Variants in PPARD observed in about 807,000 individuals in gnomAD.
PPARD encodes the protein peroxisome proliferator-activated receptor delta.
Under a neutral mutation model 39.5 loss-of-function variants are expected in PPARD, and 6 were observed. The ratio of observed to expected loss-of-function variants is 0.15; its 90% CI spans 0.08 to 0.30. PPARD has a LOEUF of 0.30. PPARD is among the 10% of genes least tolerant of loss of function. The pLI, the probability that PPARD is intolerant of heterozygous loss-of-function variation, is 1.00. For missense variants in PPARD, 397 were observed against 596.8 expected (o/e 0.67, Z 3.49); for synonymous variants, 210 against 231.3 (o/e 0.91, Z 0.83).
At chr6:35,353,106 C>T (rs1761360638) in intron 2 of PPARD, among the ~76,000 whole-genome samples, 1 of 152,170 alleles carries the variant, frequency 6.6e-6, no homozygotes, top group Non-Finnish European at 1.5e-5. Flanking sequence ...GATTTTCATT[C>T]CTGGAAGCTA....
intron 2 of PPARD, among the ~76,000 whole-genome samples, chr6:35,368,281 T>TG (rs1294927506): frequency 6.6e-6 from 1 of 152,240 alleles, no homozygotes; most frequent in Non-Finnish European, 1.5e-5. Context: ...ATGCATGGAA[T>TG]TTCCCTGTGG....
chr6:35,364,123 G>A (rs945520104), intron 2 of PPARD, among the ~76,000 whole-genome samples: 1 of 151,972 alleles, frequency 6.6e-6, no homozygotes, highest in Non-Finnish European at 1.5e-5. Context: ...TCCCTATCCT[G>A]GACATTTCAT....
At chr6:35,387,542 C>T (rs1763742623) in intron 2 of PPARD, among the ~76,000 whole-genome samples, 1 of 151,998 alleles carries the variant, frequency 6.6e-6, no homozygotes, top group Non-Finnish European at 1.5e-5. Flanking sequence ...GGGTATCGTT[C>T]CTTCCACGGT....
At chr6:35,380,015 C>T (rs1219181692) in intron 2 of PPARD, among the ~76,000 whole-genome samples, 2 of 152,174 alleles carry the variant, frequency 1.3e-5, no homozygotes, top group African/African-American at 4.8e-5. Context: ...TTCAATGAAT[C>T]TGATTTTCCA....
intron 2 of PPARD, among the ~76,000 whole-genome samples, chr6:35,367,642 A>G (rs1762275028): frequency 1.3e-5 from 2 of 152,256 alleles, no homozygotes; most frequent in African/African-American, 2.4e-5. Context: ...AATTGGGTCC[A>G]GATGCTTGGT....
chr6:35,347,199 G>A (rs1792237066), intron 2 of PPARD, 49 bp downstream of exon 2: 1 of 1,529,420 alleles, frequency 6.5e-7, no homozygotes, highest in Admixed American at 2.0e-5. Context: ...ACTGACACAG[G>A]ATCCAGATTT....
At chr6:35,402,188 A>T (rs1283669278) in intron 2 of PPARD, among the ~76,000 whole-genome samples, 3 of 152,216 alleles carry the variant, frequency 2.0e-5, no homozygotes, top group African/African-American at 7.2e-5. Flanking sequence ...ATAATTAAGA[A>T]AATCGAAATC....
chr6:35,395,860 A>G (rs1363801528), intron 2 of PPARD, among the ~76,000 whole-genome samples: 1 of 152,198 alleles, frequency 6.6e-6, no homozygotes, highest in Non-Finnish European at 1.5e-5. Flanking sequence ...TCTCATCTGT[A>G]AATGGGGATA....
rs1323837380 is a variant in PPARD, at chr6:35,373,276, A to T, written c.-102+26126A>T. Among the ~76,000 whole-genome samples, 10 of 152,348 alleles carry T rather than the reference A, an allele frequency of 6.6e-5. No homozygotes were observed. In the South Asian group the frequency reaches 2.1e-3, roughly 32 times the overall value. ...AACATTCAAACCATAGCAATGTCTT[A>T]TAGAGTAATCGGGATGATTAAATGA... On this transcript the variant is annotated intron_variant, in intron 2 of 7. Transcript: ENST00000360694.
intron 2 of PPARD, among the ~76,000 whole-genome samples, chr6:35,393,064 G>A (rs1282928327): frequency 1.3e-5 from 2 of 152,140 alleles, no homozygotes; most frequent in African/African-American, 4.8e-5. Flanking sequence ...ATCCTCATAG[G>A]CCTCCAGGAA....
At chr6:35,371,558 A>G (rs768562244) in intron 2 of PPARD, among the ~76,000 whole-genome samples, 3 of 151,628 alleles carry the variant, frequency 2.0e-5, no homozygotes, top group Non-Finnish European at 4.4e-5. Flanking sequence ...TCATTCTCTC[A>G]GTTTCCCGGA....
chr6:35,426,303 G>T lies in PPARD; in HGVS notation c.*224G>T. On this transcript the variant is annotated 3_prime_UTR_variant, in exon 8 of 8. Transcript: ENST00000360694. ...GTCTTTGTTGTCTCCCTCTTTCTCA[G>T]TTCCTCTTTCTTTTCTAATTCCTGT... 1 of 592,036 alleles carries T rather than the reference G, an allele frequency of 1.7e-6. No individual in the cohort carries two copies. The highest frequency in any genetic ancestry group is 2.9e-6 in the Non-Finnish European group (1 of 339,778). 36.7% of individuals were successfully genotyped at this position (592,036 alleles called of 1,614,324 possible).
chr6:35,418,589 G>A (rs767819897), intron 3 of PPARD, among the ~76,000 whole-genome samples: 5 of 152,196 alleles, frequency 3.3e-5, no homozygotes, highest in Non-Finnish European at 7.3e-5. Flanking sequence ...TATGTCAGGC[G>A]GTGACAAAGG....
At chr6:35,345,955 C>G (rs1033458212) in intron 1 of PPARD, among the ~76,000 whole-genome samples, 1 of 148,998 alleles carries the variant, frequency 6.7e-6, no homozygotes, top group Non-Finnish European at 1.5e-5. Flanking sequence ...TGGCTCACTG[C>G]AAGCTCCATC....
chr6:35,399,399 C>CAAAAAAA (rs10539871), intron 2 of PPARD, among the ~76,000 whole-genome samples: 1 of 95,482 alleles, frequency 1.0e-5, no homozygotes, highest in Non-Finnish European at 2.1e-5. Flanking sequence ...GACTCTGTCT[C>CAAAAAAA]AAAAAAAAAA....
rs185132407 is a variant in PPARD at position 35,394,642 on chromosome 6, G to A, written c.-101-16345G>A. Among the ~76,000 whole-genome samples, 696 of 151,920 alleles carry A rather than the reference G, an allele frequency of 4.6e-3. 5 individuals are homozygous for A. The highest frequency in any genetic ancestry group is 0.016 in the African/African-American group (660 of 41,394). On this transcript the variant is annotated intron_variant, in intron 2 of 7. Coordinates refer to ENST00000360694, the MANE Select transcript of PPARD (RefSeq NM_006238.5). ...AAAAATTATCTGGGTGTGGTGGTGC[G>A]TACCTGTAGTCTCAGTTACCTGGGA... is the stretch of plus-strand genomic sequence containing the variant.
At chr6:35,347,346 A>C (rs1792245303) in intron 2 of PPARD, among the ~76,000 whole-genome samples, 196 bp downstream of exon 2, 1 of 152,202 alleles carries the variant, frequency 6.6e-6, no homozygotes, top group South Asian at 2.1e-4. Flanking sequence ...TCTATGGCTT[A>C]CATAGTTTTT....
chr6:35,422,530 GCC>G, intron 5 of PPARD, among the ~76,000 whole-genome samples: 1 of 152,190 alleles, frequency 6.6e-6, no homozygotes, highest in Admixed American at 6.5e-5. Flanking sequence ...ATATTGCAAA[GCC>G]CACCTGTCCC....
chr6:35,415,276 A>G (rs909918322), intron 3 of PPARD, among the ~76,000 whole-genome samples: 2 of 152,178 alleles, frequency 1.3e-5, no homozygotes, highest in Non-Finnish European at 2.9e-5. Context: ...CTGCTCAGTA[A>G]CCCAGCCTCA....
Sources: allele counts gnomAD v4.1 joint callset (sites outside exome capture counted in the v4.1 genomes callset), GRCh38; gene constraint gnomAD v4.1.1; transcripts MANE v1.5; gene names NCBI Gene and HGNC (gene_info 2026-07-23, HGNC 2026-07-21).